Variants in SUFU observed in about 807,000 individuals in gnomAD.
SUFU encodes SUFU negative regulator of hedgehog signaling.
In SUFU, 7 loss-of-function variants were observed where a neutral mutation model predicts 58.9. That is an observed-to-expected ratio of 0.12 (90% confidence interval 0.07 to 0.22). The LOEUF is 0.22. Among genes scored for constraint, SUFU ranks in the 10% least tolerant of loss-of-function variants. The pLI, the probability that SUFU is intolerant of heterozygous loss-of-function variation, is 1.00. For missense variants in SUFU, 451 were observed against 641.3 expected, an observed-to-expected ratio of 0.70 and a Z score of 3.20; for synonymous variants, 232 against 254.8, an observed-to-expected ratio of 0.91 and a Z score of 0.85.
intron 2 of SUFU, among the ~76,000 whole-genome samples, chr10:102,526,720 T>C (rs2062612115): frequency 6.6e-6 from 1 of 152,098 alleles, no homozygotes; most frequent in African/African-American, 2.4e-5. Flanking sequence ...GGCTGTCACA[T>C]TGTACAACTC....
At position 102,628,964 on chromosome 10, in the gene SUFU, T is replaced by C. The variant is rs1168119787; in HGVS notation, c.1366-1102T>C. The stretch of plus-strand genomic sequence containing the variant: ...TGAGGTCGGGAATTTGAGACCAGCC[T>C]GACCAACATGGAGAAAACCCATCTC... On this transcript the variant is annotated intron_variant, in intron 11 of 11. Transcript: ENST00000369902. The surrounding 1 kb of genome is among the most constrained non-coding windows in gnomAD (Gnocchi z 4.5). Among the ~76,000 whole-genome samples the C allele has an allele frequency of 6.6e-6, 1 of 152,178 alleles. No homozygotes were observed. The highest frequency in any genetic ancestry group is 1.5e-5 in the Non-Finnish European group (1 of 68,022).
chr10:102,538,443 T>C (rs1590005379), intron 2 of SUFU, among the ~76,000 whole-genome samples: 1 of 152,206 alleles, frequency 6.6e-6, no homozygotes, highest in East Asian at 1.9e-4. Flanking sequence ...AGATCTACTG[T>C]GTTCCAGGTG....
intron 3 of SUFU, among the ~76,000 whole-genome samples, chr10:102,587,064 T>C (rs1423740332): frequency 1.3e-5 from 2 of 152,262 alleles, no homozygotes; most frequent in Non-Finnish European, 2.9e-5. Context: ...TAGTATTCCA[T>C]TGTGTGTAAA....
At chr10:102,526,850 C>T (rs753618572) in intron 2 of SUFU, among the ~76,000 whole-genome samples, 8 of 151,970 alleles carry the variant, frequency 5.3e-5, no homozygotes, top group Non-Finnish European at 1.0e-4. Context: ...GAGGGCAGCA[C>T]GGACCTCGAA....
intron 2 of SUFU, among the ~76,000 whole-genome samples, chr10:102,543,910 T>C (rs2062828064): frequency 6.6e-6 from 1 of 152,202 alleles, no homozygotes; most frequent in Non-Finnish European, 1.5e-5. Flanking sequence ...ATAGCTTGCC[T>C]CTGGTCACAC....
Position 102,630,291 on chromosome 10 carries a change from C to A in SUFU, c.*136C>A. ...AAGACTGCGCAGTGCCACCCCGCAG[C>A]CCAGTGGGGTGCCATGCACAGGCCA... On this transcript the variant is annotated 3_prime_UTR_variant, in exon 12 of 12. Transcript: ENST00000369902. 1 of 798,938 alleles carries A rather than the reference C, an allele frequency of 1.3e-6. No homozygotes were observed. Among genetic ancestry groups the A allele is most frequent in the Non-Finnish European group, 2.1e-6 (1 of 478,630 alleles). 49.5% of individuals were successfully genotyped at this position (798,938 alleles called of 1,614,324 possible). A position where few individuals can be genotyped will look rare whatever the true frequency, so the allele number is the denominator to read the frequency against.
intron 2 of SUFU, among the ~76,000 whole-genome samples, chr10:102,533,975 T>A (rs2062706312): frequency 6.6e-6 from 1 of 152,080 alleles, no homozygotes; most frequent in Non-Finnish European, 1.5e-5. Context: ...AGATACTGAG[T>A]TTGGATTTGT....
In SUFU at chr10:102,619,116, G is replaced by C; in HGVS notation, c.1296+1688G>C. 1 of 1,612,662 alleles carries C rather than the reference G, an allele frequency of 6.2e-7. No homozygotes were observed. Among genetic ancestry groups the C allele is most frequent in the African/African-American group, 1.3e-5 (1 of 74,986 alleles). On this transcript the variant is annotated intron_variant, in intron 10 of 11. Coordinates refer to ENST00000369902, the MANE Select transcript of SUFU (RefSeq NM_016169.4). The surrounding 1 kb of genome is among the most constrained non-coding windows in gnomAD (Gnocchi z 4.2). ...CCCTCCCGTCCTGGAACGTCTTTCT[G>C]CCCTGAGGAGAGGGTAGTCAGCATC...
intron 9 of SUFU, among the ~76,000 whole-genome samples, chr10:102,616,615 T>C (rs1254509428): frequency 2.0e-5 from 3 of 152,262 alleles, no homozygotes; most frequent in Admixed American, 1.3e-4. Context: ...CTTCCTTTGC[T>C]GATGAGTGGC....
At chr10:102,613,096 T>G (rs1164611316) in intron 8 of SUFU, among the ~76,000 whole-genome samples, 2 of 152,030 alleles carry the variant, frequency 1.3e-5, no homozygotes, top group Admixed American at 1.3e-4. Context: ...AGAGAGTTGG[T>G]CGGAAGTCTG....
At chr10:102,568,901 TATATATATATATATATATACAC>T (rs1336640316) in intron 3 of SUFU, among the ~76,000 whole-genome samples, 342 of 9,800 alleles carry the variant, frequency 0.035, 12 homozygotes, top group African/African-American at 0.046. Flanking sequence ...AAAAAAAATA[TATATATATATATATATATACAC>T]ATATATATAT....
At chr10:102,580,206 G>A (rs1290482418) in intron 3 of SUFU, among the ~76,000 whole-genome samples, 1 of 152,126 alleles carries the variant, frequency 6.6e-6, no homozygotes, top group East Asian at 1.9e-4. Context: ...CACTGTGTTG[G>A]GAGAAAGGCA....
chr10:102,529,698 A>C (rs1196211977), intron 2 of SUFU, among the ~76,000 whole-genome samples: 1 of 151,726 alleles, frequency 6.6e-6, no homozygotes, highest in Non-Finnish European at 1.5e-5. Context: ...AAATACAAAT[A>C]TTAGCCGGGA....
chr10:102,551,455 T>A (rs2062913851), intron 3 of SUFU, among the ~76,000 whole-genome samples: 1 of 151,882 alleles, frequency 6.6e-6, no homozygotes, highest in Non-Finnish European at 1.5e-5. Context: ...CTGGCTAACA[T>A]GGTGAAACCC....
chr10:102,509,768 T>A (rs923557534), intron 2 of SUFU, among the ~76,000 whole-genome samples: 3 of 152,230 alleles, frequency 2.0e-5, no homozygotes, highest in African/African-American at 7.2e-5. Context: ...TTATCCTTTA[T>A]CTATCTTACC....
intron 3 of SUFU, among the ~76,000 whole-genome samples, chr10:102,582,455 A>T (rs1010955981): frequency 6.6e-6 from 1 of 152,184 alleles, no homozygotes; most frequent in African/African-American, 2.4e-5. Flanking sequence ...TATCCGGGAC[A>T]GTCCAACTTC....
At position 102,617,588 on chromosome 10, in the gene SUFU, G is replaced by A. The variant is rs1442168830; in HGVS notation, c.1296+160G>A. ...TGGGGCCTGTGTGTAGGTATGGAGT[G>A]TGGATGCTGCTACCCACTCCAGCAG... On this transcript the variant is annotated intron_variant, in intron 10 of 11. Transcript: ENST00000369902. The surrounding 1 kb of genome is among the most constrained non-coding windows in gnomAD (Gnocchi z 4.4). 1.0e-6 allele frequency: 1 copy of A among 958,618 alleles called. No individual in the cohort carries two copies. The highest frequency in any genetic ancestry group is 1.6e-6 in the Non-Finnish European group (1 of 626,542). The allele number at this position is 958,618 out of a possible 1,614,324, so 59.4% of individuals were successfully genotyped here.
At chr10:102,621,511 C>T (rs2063739934) in intron 10 of SUFU, among the ~76,000 whole-genome samples, 1 of 152,146 alleles carries the variant, frequency 6.6e-6, no homozygotes, top group Non-Finnish European at 1.5e-5. Context: ...CCTGCCGCAC[C>T]ACACGCCTCT....
At chr10:102,554,070 G>A (rs1237486354) in intron 3 of SUFU, among the ~76,000 whole-genome samples, 1 of 152,182 alleles carries the variant, frequency 6.6e-6, no homozygotes, top group East Asian at 1.9e-4. Context: ...ACTCCAGCCT[G>A]AATGACAGAG....
Sources: gnomAD v4.1 joint callset for allele counts (sites outside exome capture counted in the v4.1 genomes callset) on GRCh38, gnomAD v4.1.1 for gene constraint, Gnocchi (gnomAD v3.1) non-coding constraint, MANE v1.5 for transcripts, NCBI Gene and HGNC (gene_info 2026-07-23, HGNC 2026-07-21) for gene names.